Variants in PLCZ1 observed in about 807,000 individuals in gnomAD.
The protein encoded by PLCZ1 is 1-phosphatidylinositol 4,5-bisphosphate phosphodiesterase zeta-1.
In PLCZ1, 64 loss-of-function variants were observed where a neutral mutation model predicts 76.8. The ratio of observed to expected loss-of-function variants is 0.83; its 90% CI spans 0.68 to 1.03. PLCZ1 has a LOEUF of 1.03. Among genes scored for constraint, PLCZ1 ranks in the 50% least tolerant of loss-of-function variants. PLCZ1 has a pLI of 0.00. For missense variants in PLCZ1, 751 were observed against 713.7 expected (o/e 1.05, Z -0.60); for synonymous variants, 248 against 230.8 (o/e 1.07, Z -0.68).
intron 5 of PLCZ1, among the ~76,000 whole-genome samples, chr12:18,713,499 A>G (rs756091508): frequency 6.6e-6 from 1 of 152,204 alleles, no homozygotes; most frequent in Non-Finnish European, 1.5e-5. Flanking sequence ...GAAAAGATAA[A>G]GCATGACAAT....
intron 6 of PLCZ1, among the ~76,000 whole-genome samples, chr12:18,707,872 T>G (rs534949997): frequency 6.6e-6 from 1 of 152,202 alleles, no homozygotes; most frequent in African/African-American, 2.4e-5. Context: ...TGGGTGTTTT[T>G]AAATGCATTT....
At chr12:18,698,463 T>C (rs1394792712) in intron 10 of PLCZ1, among the ~76,000 whole-genome samples, 2 of 152,106 alleles carry the variant, frequency 1.3e-5, no homozygotes, top group Admixed American at 6.6e-5. Context: ...TTAGAGAATA[T>C]GAACTAAAGT....
chr12:18,677,966 T>C, the PLCZ1 span, among the ~76,000 whole-genome samples: 1 of 152,076 alleles, frequency 6.6e-6, no homozygotes, highest in African/African-American at 2.4e-5. Context: ...ATAAATGTAT[T>C]TCAATCAAGA....
chr12:18,734,586 G>T (rs928829786), intron 3 of PLCZ1, among the ~76,000 whole-genome samples: 1 of 152,080 alleles, frequency 6.6e-6, no homozygotes, highest in African/African-American at 2.4e-5. Flanking sequence ...CCTGACCTCA[G>T]GTGATGCACC....
the PLCZ1 span, among the ~76,000 whole-genome samples, chr12:18,674,116 CAA>C: frequency 6.6e-6 from 1 of 152,242 alleles, no homozygotes; most frequent in African/African-American, 2.4e-5. Context: ...AATCGAAAGA[CAA>C]AGAATATTAG....
chr12:18,707,873 A>C (rs1956810755), intron 6 of PLCZ1, among the ~76,000 whole-genome samples: 2 of 152,152 alleles, frequency 1.3e-5, no homozygotes, highest in Admixed American at 6.6e-5. Flanking sequence ...GGGTGTTTTT[A>C]AATGCATTTT....
chr12:18,650,732 A>ATC, the PLCZ1 span, among the ~76,000 whole-genome samples: 4 of 26,618 alleles, frequency 1.5e-4, no homozygotes, highest in Non-Finnish European at 1.8e-4. Context: ...ATATATATAT[A>ATC]TATATATATA....
intron 5 of PLCZ1, among the ~76,000 whole-genome samples, chr12:18,714,092 G>T (rs1957659285): frequency 6.6e-6 from 1 of 152,176 alleles, no homozygotes; most frequent in Non-Finnish European, 1.5e-5. Context: ...GTAGGCCATT[G>T]TATGCCATCA....
Position 18,737,357 on chromosome 12 carries a change from A to T in PLCZ1, c.11+4T>A. 6 of 1,613,072 alleles carry T rather than the reference A, an allele frequency of 3.7e-6. No homozygotes were observed. The highest frequency in any genetic ancestry group is 3.4e-6 in the Non-Finnish European group (4 of 1,179,070). ...AGGAGCAGAAAGAAGCTCTCAATGG[A>T]TATCTCATTTCCATAGTTTCATGAC... On this transcript the variant is annotated splice_donor_region_variant and intron_variant, in intron 2 of 14. Coordinates refer to ENST00000266505, the MANE Select transcript of PLCZ1 (RefSeq NM_033123.4).
chr12:18,656,507 G>A, the PLCZ1 span, among the ~76,000 whole-genome samples: 2 of 152,316 alleles, frequency 1.3e-5, no homozygotes, highest in African/African-American at 4.8e-5. Context: ...GGAGGTTGCA[G>A]TGAGACAAGA....
At chr12:18,664,708 G>A in the PLCZ1 span, among the ~76,000 whole-genome samples, 6 of 151,536 alleles carry the variant, frequency 4.0e-5, no homozygotes, top group South Asian at 2.1e-4. Flanking sequence ...ACATGCACAC[G>A]TATGTTTATT....
intron 3 of PLCZ1, chr12:18,730,879 C>A (rs147139206): frequency 9.9e-5 from 15 of 152,198 alleles, no homozygotes; most frequent in East Asian, 7.7e-4. Context: ...GAAGCAATAG[C>A]TTTTCTCCCT....
intron 8 of PLCZ1, 32 bp from the exon 9 acceptor site, chr12:18,701,600 G>A (rs1955924060): frequency 1.3e-6 from 2 of 1,595,774 alleles, no homozygotes; most frequent in Non-Finnish European, 1.7e-6. Flanking sequence ...CTGATTCTTT[G>A]AATTTATCCT....
At chr12:18,655,387 C>T in the PLCZ1 span, among the ~76,000 whole-genome samples, 606 of 152,108 alleles carry the variant, frequency 4.0e-3, 7 homozygotes, top group African/African-American at 0.014. Context: ...TAGTTATCCA[C>T]GAATCCACAC....
intron 8 of PLCZ1, 51 bp downstream of exon 8, chr12:18,701,641 C>G (rs780241484): frequency 1.3e-6 from 2 of 1,598,788 alleles, no homozygotes; most frequent in Admixed American, 1.7e-5. Flanking sequence ...TCCTCCTCCT[C>G]CTCCTCCTCC....
chr12:18,723,488 A>G lies in PLCZ1; in HGVS notation c.190T>C (p.Tyr64His). The change falls in exon 4 of 15, where the codon TAT (tyrosine) becomes CAT (histidine). Residue 64 changes from tyrosine (Y) to histidine (H), a missense_variant. Tyr to His is a moderately conservative substitution (Grantham distance 83). Transcript: ENST00000266505. ...TCTTCTCTGTGCGTGATAATTCGAT[A>G]AATTGCTCTAAATTCTTCTATGGTG... is the stretch of plus-strand genomic sequence containing the variant. ...RITIEEFRAI[Y>H]RIITHREEII... 6.2e-7 allele frequency: 1 copy of G among 1,612,906 alleles called. No individual in the cohort carries two copies. The highest frequency in any genetic ancestry group is 1.1e-5 in the South Asian group (1 of 91,054).
intron 7 of PLCZ1, among the ~76,000 whole-genome samples, chr12:18,702,818 C>CTTT (rs71064022): frequency 0.073 from 8,468 of 116,498 alleles, 1,395 homozygotes; most frequent in African/African-American, 0.27. Flanking sequence ...GATAAAGTAA[C>CTTT]TTTTTTTTTT....
chr12:18,678,101 C>A, the PLCZ1 span, among the ~76,000 whole-genome samples: 8 of 152,054 alleles, frequency 5.3e-5, no homozygotes, highest in Non-Finnish European at 1.0e-4. Context: ...TTCTAGCAAG[C>A]CCAGCTGTCC....
At chr12:18,702,844 G>A (rs921641563) in intron 7 of PLCZ1, among the ~76,000 whole-genome samples, 25 of 114,062 alleles carry the variant, frequency 2.2e-4, no homozygotes, top group Admixed American at 6.5e-4. Context: ...TTTTTGAGAC[G>A]GAGTCTCACT....
Sources: allele counts gnomAD v4.1 joint callset (sites outside exome capture counted in the v4.1 genomes callset), GRCh38; gene constraint gnomAD v4.1.1; transcripts MANE v1.5; gene names NCBI Gene and HGNC (gene_info 2026-07-23, HGNC 2026-07-21).